Variants in CLASP1 observed in about 807,000 individuals in gnomAD.
CLASP1 encodes the protein cytoplasmic linker associated protein 1.
A neutral mutation model predicts 192.3 loss-of-function variants in CLASP1; 38 were observed. That is an observed-to-expected ratio of 0.20 (90% CI 0.15 to 0.26). The LOEUF (loss-of-function observed/expected upper bound fraction) is 0.26. CLASP1 is among the 10% of genes least tolerant of loss of function. The pLI is 1.00. For missense variants in CLASP1, 1,433 were observed against 1,932.5 expected (o/e 0.74, Z 4.85); for synonymous variants, 691 against 712.8 (o/e 0.97, Z 0.49).
chr2:121,363,243 C>T lies in CLASP1; in HGVS notation c.4135G>A (p.Ala1379Thr), dbSNP rs765577807. 2 of 1,613,890 alleles carry T rather than the reference C, an allele frequency of 1.2e-6. No individual in the cohort carries two copies. The highest frequency in any genetic ancestry group is 2.2e-5 in the East Asian group (1 of 44,886). Residue 1379 changes from alanine to threonine, a missense_variant, in exon 37 of 40, where the codon GCA (alanine) becomes ACA (threonine). Coordinates refer to ENST00000263710, the Ensembl canonical transcript of CLASP1. ...AGCTCGGCGTAGTTTTTAAATCTTG[C>T]TGGTTGATTTCTCAGAATTTCCCTC... is the stretch of plus-strand genomic sequence containing the variant.
At chr2:121,639,897 G>T (rs545049286) in intron 1 of CLASP1, among the ~76,000 whole-genome samples, 1 of 148,592 alleles carries the variant, frequency 6.7e-6, no homozygotes, top group South Asian at 2.1e-4. Context: ...TATAAATCAC[G>T]CTACTATAAA....
chr2:121,386,142 G>A (rs920144175), intron 32 of CLASP1, among the ~76,000 whole-genome samples: 1 of 152,226 alleles, frequency 6.6e-6, no homozygotes, highest in African/African-American at 2.4e-5. Context: ...AGGAAGAAGT[G>A]TGGGAGATTC....
chr2:121,473,001 A>C lies in CLASP1; in HGVS notation c.713-3041T>G, dbSNP rs552222610. On this transcript the variant is annotated intron_variant, in intron 8 of 39. Transcript: ENST00000263710. ...ATGATATTCCTAAAAGAAATATAAC[A>C]AGACACAGACACTCAACAAGGTAAT... 5.9e-5 allele frequency among the ~76,000 whole-genome samples: 9 copies of C among 152,356 alleles called. No homozygotes were observed. The South Asian group carries it at 1.9e-3, about 32-fold the overall frequency.
chr2:121,469,704 G>A, intron 9 of CLASP1, 104 bp downstream of exon 9: 1 of 1,087,520 alleles, frequency 9.2e-7, no homozygotes, highest in Non-Finnish European at 1.3e-6. Flanking sequence ...GCTGCATATG[G>A]GGACTGTATC....
intron 7 of CLASP1, 103 bp from the exon 8 acceptor site, chr2:121,503,337 A>C: frequency 1.4e-6 from 1 of 696,034 alleles, no homozygotes; most frequent in Non-Finnish European, 2.5e-6. Flanking sequence ...CATCAAAAAA[A>C]ACAATGGTAC....
chr2:121,557,072 GTTC>G (rs2058628581), intron 2 of CLASP1, among the ~76,000 whole-genome samples: 1 of 152,166 alleles, frequency 6.6e-6, no homozygotes. Flanking sequence ...TTTGAATTCT[GTTC>G]TTCATTCTCC....
At chr2:121,371,230 T>C (rs1423929153) in intron 34 of CLASP1, among the ~76,000 whole-genome samples, 1 of 151,592 alleles carries the variant, frequency 6.6e-6, no homozygotes, top group African/African-American at 2.4e-5. Context: ...TATATATACA[T>C]ATATATATAT....
intron 2 of CLASP1, among the ~76,000 whole-genome samples, chr2:121,537,096 T>C (rs779535419): frequency 6.6e-6 from 1 of 152,208 alleles, no homozygotes; most frequent in Non-Finnish European, 1.5e-5. Context: ...TATACACCTT[T>C]AAAAAGAATA....
chr2:121,371,278 T>G (rs780100400), intron 34 of CLASP1, among the ~76,000 whole-genome samples: 1 of 152,106 alleles, frequency 6.6e-6, no homozygotes, highest in Non-Finnish European at 1.5e-5. Context: ...TCACCCAAGC[T>G]GGAGTGCAGT....
intron 7 of CLASP1, among the ~76,000 whole-genome samples, chr2:121,506,066 G>T (rs905246792): frequency 6.6e-6 from 1 of 152,180 alleles, no homozygotes. Context: ...TGCTTCCAAA[G>T]AGATAAGAGA....
intron 9 of CLASP1, 36 bp downstream of exon 9, chr2:121,469,772 G>A: frequency 1.3e-6 from 2 of 1,575,176 alleles, no homozygotes; most frequent in African/African-American, 1.4e-5. Flanking sequence ...AGCTGGCATA[G>A]CTGACCCCAG....
intron 39 of CLASP1, among the ~76,000 whole-genome samples, chr2:121,343,389 A>G (rs1261259075): frequency 6.6e-6 from 1 of 152,214 alleles, no homozygotes; most frequent in East Asian, 1.9e-4. Flanking sequence ...TAGCAGCATT[A>G]TTCACAAGAG....
exon 32 of CLASP1, chr2:121,387,206 C>T (rs2073408747): frequency 6.2e-7 from 1 of 1,605,336 alleles, no homozygotes; most frequent in African/African-American, 1.3e-5. Context: ...GGGCGTCCGG[C>T]CAATCGTATT....
intron 8 of CLASP1, among the ~76,000 whole-genome samples, chr2:121,472,085 G>C (rs924415303): frequency 2.6e-5 from 4 of 152,138 alleles, no homozygotes; most frequent in Admixed American, 6.5e-5. Context: ...TGCTGAGTGG[G>C]AACAGTTCCA....
At chr2:121,410,957 A>G (rs1213646167) in exon 24 of CLASP1, 2 of 1,603,142 alleles carry the variant, frequency 1.2e-6, no homozygotes, top group Non-Finnish European at 1.7e-6. Context: ...TGGCTGGCCA[A>G]GCCCAAACCG....
chr2:121,536,377 TGAAAAAAAAA>T (rs1172873050), intron 2 of CLASP1, among the ~76,000 whole-genome samples: 1 of 62,086 alleles, frequency 1.6e-5, no homozygotes, highest in Admixed American at 2.0e-4. Context: ...CAAGACTGTC[TGAAAAAAAAA>T]AAAAAAAAAA....
At chr2:121,406,887 A>G (rs1317623375) in intron 25 of CLASP1, among the ~76,000 whole-genome samples, 1 of 151,986 alleles carries the variant, frequency 6.6e-6, no homozygotes, top group African/African-American at 2.4e-5. Context: ...CACTGTGTCC[A>G]CCCTACATCT....
intron 23 of CLASP1, among the ~76,000 whole-genome samples, chr2:121,417,840 T>C (rs2078859534): frequency 6.6e-6 from 1 of 152,192 alleles, no homozygotes; most frequent in South Asian, 2.1e-4. Flanking sequence ...GCATGTATAG[T>C]TTTCAAAAGA....
intron 6 of CLASP1, among the ~76,000 whole-genome samples, chr2:121,524,994 G>A (rs1033794354): frequency 2.6e-5 from 4 of 152,214 alleles, no homozygotes; most frequent in South Asian, 2.1e-4. Flanking sequence ...AGGGGAGGTC[G>A]GGTAGAAGGC....
Sources: allele counts gnomAD v4.1 joint callset (sites outside exome capture counted in the v4.1 genomes callset), GRCh38; gene constraint gnomAD v4.1.1; transcripts MANE v1.5; gene names NCBI Gene and HGNC (gene_info 2026-07-23, HGNC 2026-07-21).